Variants in MRC2 observed in about 807,000 individuals in gnomAD.
MRC2 encodes the protein C-type mannose receptor 2.
MRC2 carries 84 observed loss-of-function variants against 206.2 expected under a neutral mutation model. That is an observed-to-expected ratio of 0.41 (90% CI 0.34 to 0.49). The LOEUF (loss-of-function observed/expected upper bound fraction) is 0.49. MRC2 is among the 20% of genes least tolerant of loss of function. MRC2 has a pLI of 0.31. For missense variants in MRC2, 1,676 were observed against 2,001.5 expected (o/e 0.84, Z 3.10); for synonymous variants, 798 against 800.0 (o/e 1.00, Z 0.04).
chr17:62,638,905 C>T (rs574732226), intron 1 of MRC2, among the ~76,000 whole-genome samples: 27 of 151,208 alleles, frequency 1.8e-4, no homozygotes, highest in Middle Eastern at 3.4e-3. Context: ...GGTGACAAAG[C>T]GAGACTCTGT....
chr17:62,680,901 G>A lies in MRC2; in HGVS notation c.2575G>A (p.Glu859Lys), dbSNP rs760601205. ...AQRICTWFQA[E>K]LTSVHSQAEL... is the part of the protein sequence containing the mutation. ...GCGCATCTGCACGTGGTTCCAGGCC[G>A]AGCTGACCTCGGTGCACAGCCAGGC... is the stretch of plus-strand genomic sequence containing the variant. Residue 859 changes from glutamate (E) to lysine (K), a missense_variant, in exon 17 of 30, where the codon GAG becomes AAG. This residue lies in a region of MRC2 where 1,354 missense variants were observed against 1,636.6 expected (regional missense o/e 0.83). Transcript: ENST00000303375. The surrounding 1 kb of genome is among the most constrained non-coding windows in gnomAD (Gnocchi z 4.8). 4 of 1,613,098 alleles carry A rather than the reference G, an allele frequency of 2.5e-6. No individual in the cohort carries two copies. Among genetic ancestry groups the A allele is most frequent in the African/African-American group, 1.3e-5 (1 of 74,948 alleles).
chr17:62,688,070 T>C (rs2089054035), intron 20 of MRC2, among the ~76,000 whole-genome samples: 1 of 152,126 alleles, frequency 6.6e-6, no homozygotes, highest in Non-Finnish European at 1.5e-5. Context: ...CATTTGAAGA[T>C]CCCCTGGAGT....
intron 26 of MRC2, 89 bp from the exon 27 acceptor site, chr17:62,690,553 G>C: frequency 1.3e-6 from 2 of 1,500,880 alleles, no homozygotes; most frequent in Non-Finnish European, 8.9e-7. Context: ...CTCTACTCAG[G>C]CTGCAGAGAA....
chr17:62,669,506 G>A (rs76062079), intron 6 of MRC2, among the ~76,000 whole-genome samples: 6,106 of 151,680 alleles, frequency 0.04, 397 homozygotes, highest in African/African-American at 0.14. Context: ...GTGAGCCACC[G>A]CACCCCGCCT....
At chr17:62,628,013 T>G (rs2084183140) in intron 1 of MRC2, 93 bp downstream of exon 1, 1 of 823,730 alleles carries the variant, frequency 1.2e-6, no homozygotes, top group Non-Finnish European at 1.7e-6. Flanking sequence ...TTTTCCCCCC[T>G]CTTTTCTCCA....
chr17:62,674,432 G>C (rs1269594125), intron 9 of MRC2, among the ~76,000 whole-genome samples: 1 of 151,962 alleles, frequency 6.6e-6, no homozygotes, highest in Non-Finnish European at 1.5e-5. Flanking sequence ...CCACTTCCTC[G>C]AGACAGCAGA....
rs562494926 is a variant in MRC2 at position 62,665,408 on chromosome 17, C to CT, written c.520+459_520+460insT. 1.6e-3 allele frequency among the ~76,000 whole-genome samples: 232 copies of CT among 143,314 alleles called. 7 individuals carry two copies. The South Asian group carries it at 0.049, about 30-fold the overall frequency. 94.0% of individuals were successfully genotyped at this position (143,314 alleles called of 152,430 possible). A position where few individuals can be genotyped will look rare whatever the true frequency, so the allele number is the denominator to read the frequency against. Reference sequence around the variant, plus strand: ...TGACAGAGCAAGACTCTGTCCCCCCCCCCACAAAAAAAAAAAGAAAAGAAA... The same window carrying CT: ...TGACAGAGCAAGACTCTGTCCCCCCCTCCCACAAAAAAAAAAAGAAAAGAAA... On this transcript the variant is annotated intron_variant, in intron 2 of 29. Coordinates refer to ENST00000303375, the MANE Select transcript of MRC2 (RefSeq NM_006039.5).
At chr17:62,689,000 C>T (rs377321927) in intron 23 of MRC2, 40 bp downstream of exon 23, 22 of 1,524,400 alleles carry the variant, frequency 1.4e-5, no homozygotes, top group Non-Finnish European at 1.9e-5. Flanking sequence ...CAGTGGGGCC[C>T]TGGCACCGGG....
chr17:62,637,579 T>G (rs1219743835), intron 1 of MRC2, among the ~76,000 whole-genome samples: 2 of 150,838 alleles, frequency 1.3e-5, no homozygotes, highest in Non-Finnish European at 2.9e-5. Context: ...TTCCCGGCCT[T>G]CTCAGTGCTT....
rs775078370 is a variant in MRC2, at chr17:62,680,180, A to G, written c.2309A>G (p.His770Arg). ...RWSDGVGFSY[H>R]NFDRSRHDDD... is the part of the protein sequence containing the mutation. ...ACCCGCCTCCTCCAGTTCTCTTACC[A>G]CAATTTCGACCGGAGCCGGCACGAC... The change falls in exon 15 of 30, where the codon CAC becomes CGC. Residue 770 changes from histidine to arginine, a missense_variant. Physicochemically the swap from His to Arg is conservative, Grantham distance 29. Around this residue, in one of 3 missense-constraint regions of MRC2, gnomAD observed 1,354 missense variants for 1,636.6 expected, o/e 0.83. Coordinates refer to ENST00000303375, the MANE Select transcript of MRC2 (RefSeq NM_006039.5). The surrounding 1 kb of genome is among the most constrained non-coding windows in gnomAD (Gnocchi z 4.8). 1.2e-6 allele frequency: 2 copies of G among 1,614,014 alleles called. No homozygotes were observed. The highest frequency in any genetic ancestry group is 1.3e-5 in the African/African-American group (1 of 75,008).
intron 1 of MRC2, among the ~76,000 whole-genome samples, chr17:62,646,624 G>A (rs976012067): frequency 2.0e-5 from 3 of 152,240 alleles, no homozygotes; most frequent in African/African-American, 7.2e-5. Flanking sequence ...GCTGTCAGCA[G>A]TGTCTGCTCC....
At position 62,671,216 on chromosome 17, in the gene MRC2, G is replaced by A. The variant is rs1043852520; in HGVS notation, c.1118-433G>A. 2.6e-5 allele frequency among the ~76,000 whole-genome samples: 4 copies of A among 152,130 alleles called. No homozygotes were observed. Among genetic ancestry groups the A allele is most frequent in the Non-Finnish European group, 5.9e-5 (4 of 68,032 alleles). On this transcript the variant is annotated intron_variant, in intron 6 of 29. Transcript: ENST00000303375. The surrounding 1 kb of genome is among the most constrained non-coding windows in gnomAD (Gnocchi z 4.5). ...CCTCCTGAGTAGCGGGACCACAGGC[G>A]CACATCACCATGCCTGGCTAATTTT...
chr17:62,676,430 A>G lies in MRC2; in HGVS notation c.1733A>G (p.Glu578Gly), dbSNP rs1415020232. Residue 578 changes from glutamate to glycine, a missense_variant, in exon 11 of 30, where the codon GAG (glutamate) becomes GGG (glycine). Glu to Gly is a moderately conservative substitution (Grantham distance 98, BLOSUM62 -2). Coordinates refer to ENST00000303375, the MANE Select transcript of MRC2 (RefSeq NM_006039.5). Reference sequence around the variant, plus strand: ...AGCCTCATCTACAACTGGGAGGGCGAGTACTTCTGGACGGCCCTGCAGGAC... The same window carrying G: ...AGCCTCATCTACAACTGGGAGGGCGGGTACTTCTGGACGGCCCTGCAGGAC... ...VSSLIYNWEG[E>G]YFWTALQDLN... 5 of 1,613,912 alleles carry G rather than the reference A, an allele frequency of 3.1e-6. No homozygotes were observed. In the African/African-American group the frequency reaches 5.3e-5, roughly 17 times the overall value.
At position 62,680,500 on chromosome 17, in the gene MRC2, C is replaced by T; in HGVS notation, c.2473+47C>T. 7 of 1,611,054 alleles carry T rather than the reference C, an allele frequency of 4.3e-6. No homozygotes were observed. Among genetic ancestry groups the T allele is most frequent in the Non-Finnish European group, 5.9e-6 (7 of 1,177,996 alleles). ...CCGCTACCCATCGCGTGGGAGAGGG[C>T]GTCAACTCTGGGGTAAGTCCCGAGA... On this transcript the variant is annotated intron_variant, in intron 16 of 29. Transcript: ENST00000303375. This position sits in a 1 kb window ranked among gnomAD's most constrained non-coding sequence, Gnocchi z 4.8.
chr17:62,691,257 G>A (rs1367663322), intron 28 of MRC2, 129 bp downstream of exon 28: 7 of 1,067,008 alleles, frequency 6.6e-6, no homozygotes, highest in Admixed American at 6.8e-5. Flanking sequence ...AACGGACTGC[G>A]GGCAGCTGGG....
Position 62,672,289 on chromosome 17 carries a change from C to G in MRC2, c.1461+137C>G. On this transcript the variant is annotated intron_variant, in intron 8 of 29. Coordinates refer to ENST00000303375, the MANE Select transcript of MRC2 (RefSeq NM_006039.5). This position sits in a 1 kb window ranked among gnomAD's most constrained non-coding sequence, Gnocchi z 4.5. ...ACCTCTCAGCAGTCCCCCTCCTCCC[C>G]ACCAATGCCTTCCCTTCCATGTGAG... 1 of 980,294 alleles carries G rather than the reference C, an allele frequency of 1.0e-6. No individual in the cohort carries two copies. The highest frequency in any genetic ancestry group is 1.5e-6 in the Non-Finnish European group (1 of 656,768). 60.7% of individuals were successfully genotyped at this position (980,294 alleles called of 1,614,324 possible).
intron 1 of MRC2, among the ~76,000 whole-genome samples, chr17:62,656,055 A>G (rs190155476): frequency 6.6e-6 from 1 of 152,032 alleles, no homozygotes; most frequent in East Asian, 1.9e-4. Flanking sequence ...ACACCTGGCT[A>G]ATTTTTTTTT....
Position 62,687,874 on chromosome 17 carries a change from C to A in MRC2, c.2947-415C>A, listed in dbSNP as rs2089051385. Among the ~76,000 whole-genome samples, 6 of 151,346 alleles carry A rather than the reference C, an allele frequency of 4.0e-5. No individual in the cohort carries two copies. In the South Asian group the frequency reaches 1.3e-3, roughly 32 times the overall value. ...CTCCAGCCTGGGAGACAGAGCGAGA[C>A]TCTGTCTTGAAAAAAAAAAAAGTGT... On this transcript the variant is annotated intron_variant, in intron 20 of 29. Transcript: ENST00000303375.
At position 62,680,677 on chromosome 17, in the gene MRC2, C is replaced by T. The variant is rs1361608045; in HGVS notation, c.2474-123C>T. ...GCCTGGCACGGTGCCTGCCTGGGTC[C>T]GGTGTGCCTGCAGGCTCGCCTGCTG... is the stretch of plus-strand genomic sequence containing the variant. On this transcript the variant is annotated intron_variant, in intron 16 of 29. Coordinates refer to ENST00000303375, the MANE Select transcript of MRC2 (RefSeq NM_006039.5). This position sits in a 1 kb window ranked among gnomAD's most constrained non-coding sequence, Gnocchi z 4.8. The T allele has an allele frequency of 1.5e-6, 2 of 1,316,960 alleles. No homozygotes were observed. The highest frequency in any genetic ancestry group is 1.0e-6 in the Non-Finnish European group (1 of 999,100). 81.6% of individuals were successfully genotyped at this position (1,316,960 alleles called of 1,614,324 possible).
Sources: allele counts gnomAD v4.1 joint callset (sites outside exome capture counted in the v4.1 genomes callset), GRCh38; gene constraint gnomAD v4.1.1; regional missense constraint gnomAD v4.1.1; non-coding constraint Gnocchi (gnomAD v3.1); transcripts MANE v1.5; gene names NCBI Gene and HGNC (gene_info 2026-07-23, HGNC 2026-07-21).